Variants in RAD51B observed in about 807,000 individuals in gnomAD.
RAD51B encodes the protein RAD51 paralog B.
Under a neutral mutation model 42.2 loss-of-function variants are expected in RAD51B, and 38 were observed. The ratio of observed to expected loss-of-function variants is 0.90; its 90% CI spans 0.70 to 1.18. The LOEUF (loss-of-function observed/expected upper bound fraction) is 1.18. Among genes scored for constraint, RAD51B ranks in the 50% most tolerant of loss-of-function variants. RAD51B has a pLI of 0.00. For missense variants in RAD51B, 373 were observed against 400.7 expected, an observed-to-expected ratio of 0.93 and a Z score of 0.59; for synonymous variants, 154 against 145.2, an observed-to-expected ratio of 1.06 and a Z score of -0.43.
chr14:68,274,727 T>A (rs1595643137), intron 7 of RAD51B, among the ~76,000 whole-genome samples: 2 of 152,326 alleles, frequency 1.3e-5, no homozygotes, highest in East Asian at 3.9e-4. Flanking sequence ...TTTGTGACAT[T>A]AATTATTTGG....
intron 10 of RAD51B, chr14:68,540,220 T>A (rs1887887974): frequency 1.1e-6 from 1 of 930,692 alleles, no homozygotes; most frequent in South Asian, 5.1e-5. Context: ...ATTCAAATGA[T>A]CTGCTCGAGG....
At chr14:68,506,859 GA>G (rs1482155604) in intron 10 of RAD51B, among the ~76,000 whole-genome samples, 6 of 152,308 alleles carry the variant, frequency 3.9e-5, no homozygotes, top group African/African-American at 1.4e-4. Context: ...CAAGTGTGCA[GA>G]GGGGGAAGCT....
At chr14:68,046,491 C>G (rs545899876) in intron 7 of RAD51B, among the ~76,000 whole-genome samples, 61 of 152,332 alleles carry the variant, frequency 4.0e-4, no homozygotes, top group African/African-American at 1.4e-3. Context: ...GCAATCCCAG[C>G]ACTTTGGGAG....
chr14:68,105,004 T>C (rs2140563790), intron 7 of RAD51B, among the ~76,000 whole-genome samples: 1 of 152,270 alleles, frequency 6.6e-6, no homozygotes, highest in East Asian at 1.9e-4. Context: ...GGCAGAACTG[T>C]TGTTTCAGAT....
At chr14:68,486,000 T>C (rs760449112) in intron 10 of RAD51B, among the ~76,000 whole-genome samples, 3 of 152,360 alleles carry the variant, frequency 2.0e-5, no homozygotes, top group South Asian at 2.1e-4. Flanking sequence ...TTACCATTTA[T>C]TCATTAGATA....
chr14:67,831,889 C>T (rs1382098141), intron 3 of RAD51B, among the ~76,000 whole-genome samples: 1 of 151,994 alleles, frequency 6.6e-6, no homozygotes, highest in Non-Finnish European at 1.5e-5. Context: ...CTAGAAATTA[C>T]ACTTAAAATT....
At chr14:68,337,810 C>T (rs1199195104) in intron 8 of RAD51B, among the ~76,000 whole-genome samples, 3 of 152,208 alleles carry the variant, frequency 2.0e-5, no homozygotes, top group East Asian at 1.9e-4. Context: ...CTCACTCTGT[C>T]CCCCAGGCTG....
chr14:67,962,279 A>G (rs1208985747), intron 7 of RAD51B, among the ~76,000 whole-genome samples: 1 of 152,200 alleles, frequency 6.6e-6, no homozygotes. Context: ...ATCAAACTAA[A>G]AAAGTATTTG....
chr14:68,333,852 T>A (rs972153512), intron 8 of RAD51B, among the ~76,000 whole-genome samples: 2 of 152,216 alleles, frequency 1.3e-5, no homozygotes, highest in African/African-American at 2.4e-5. Context: ...GACACCTTGC[T>A]CTTTCATAGG....
chr14:67,927,748 T>TTG (rs1056534120), intron 7 of RAD51B, among the ~76,000 whole-genome samples: 57 of 149,690 alleles, frequency 3.8e-4, no homozygotes, highest in African/African-American at 1.3e-3. Flanking sequence ...AATATATTCA[T>TTG]TGTGTGTGTG....
At chr14:68,135,671 A>G (rs151238803) in intron 7 of RAD51B, among the ~76,000 whole-genome samples, 101 of 152,276 alleles carry the variant, frequency 6.6e-4, no homozygotes, top group Non-Finnish European at 1.2e-3. Context: ...CCAAAACGCA[A>G]CATGTCCAAA....
intron 9 of RAD51B, among the ~76,000 whole-genome samples, chr14:68,415,638 A>G (rs1388082471): frequency 6.6e-6 from 1 of 152,220 alleles, no homozygotes; most frequent in Non-Finnish European, 1.5e-5. Context: ...GCGATGAATG[A>G]GGCAGAGCAT....
At chr14:68,559,207 C>T (rs1889018588) in intron 10 of RAD51B, among the ~76,000 whole-genome samples, 1 of 151,614 alleles carries the variant, frequency 6.6e-6, no homozygotes, top group South Asian at 2.1e-4. Flanking sequence ...AATTACCTAT[C>T]TATACTTATA....
intron 8 of RAD51B, among the ~76,000 whole-genome samples, chr14:68,376,526 C>T (rs1304055459): frequency 3.3e-5 from 5 of 152,180 alleles, no homozygotes; most frequent in African/African-American, 4.8e-5. Context: ...GTCTGATGCC[C>T]TCTGTGTGGG....
intron 11 of RAD51B, among the ~76,000 whole-genome samples, chr14:68,678,775 T>A (rs1031051679): frequency 3.3e-5 from 5 of 152,168 alleles, no homozygotes; most frequent in Non-Finnish European, 7.4e-5. Context: ...GCAGAGGCAG[T>A]CCATCTGGAA....
intron 1 of RAD51B, among the ~76,000 whole-genome samples, chr14:67,820,827 C>G (rs1211854561): frequency 6.6e-6 from 1 of 152,078 alleles, no homozygotes; most frequent in Non-Finnish European, 1.5e-5. Context: ...TTAACCTCCA[C>G]TACAGTCATA....
intron 10 of RAD51B, among the ~76,000 whole-genome samples, chr14:68,548,594 G>A (rs1888356782): frequency 1.3e-5 from 2 of 152,328 alleles, no homozygotes; most frequent in South Asian, 4.1e-4. Context: ...GTTGAGTCCT[G>A]ACTTCTTGGG....
chr14:68,130,094 A>T (rs2077854956), intron 7 of RAD51B: 1 of 152,236 alleles, frequency 6.6e-6, no homozygotes, highest in Non-Finnish European at 1.5e-5. Flanking sequence ...TTCCAAGATC[A>T]TTCCTTTTAT....
intron 8 of RAD51B, among the ~76,000 whole-genome samples, chr14:68,405,029 G>A (rs2084226191): frequency 6.6e-6 from 1 of 152,180 alleles, no homozygotes; most frequent in Admixed American, 6.5e-5. Flanking sequence ...AACTCAGTTG[G>A]CCTGGTTTCG....
Sources: gnomAD v4.1 joint callset for allele counts (sites outside exome capture counted in the v4.1 genomes callset) on GRCh38, gnomAD v4.1.1 for gene constraint, MANE v1.5 for transcripts, NCBI Gene and HGNC (gene_info 2026-07-23, HGNC 2026-07-21) for gene names.